Variants in GALNT13 observed in about 807,000 individuals in gnomAD.
GALNT13 encodes the protein UDP-GalNAc:polypeptide N-acetylgalactosaminyltransferase 13.
In GALNT13, 28 loss-of-function variants were observed where a neutral mutation model predicts 64.2. That is an observed-to-expected ratio of 0.44 (90% CI 0.32 to 0.60). The LOEUF (loss-of-function observed/expected upper bound fraction) is 0.60. Ranked by LOEUF, GALNT13 falls within the 20% of genes least tolerant of loss-of-function variation. The probability of loss-of-function intolerance (pLI) is 0.05; values close to 1 mark genes in which losing one functional copy is unlikely to be tolerated. For missense variants in GALNT13, 577 were observed against 669.8 expected, an observed-to-expected ratio of 0.86 and a Z score of 1.53; for synonymous variants, 214 against 224.6, an observed-to-expected ratio of 0.95 and a Z score of 0.42.
chr2:154,221,750 T>C (rs1688335175), intron 4 of GALNT13, among the ~76,000 whole-genome samples: 2 of 152,246 alleles, frequency 1.3e-5, no homozygotes, highest in South Asian at 2.1e-4. Flanking sequence ...AATTCTCTTT[T>C]AGAGCACAGC....
chr2:153,256,499 G>C, the GALNT13 span, among the ~76,000 whole-genome samples: 1 of 151,988 alleles, frequency 6.6e-6, no homozygotes, highest in Admixed American at 6.6e-5. Flanking sequence ...GCTTTGTTCC[G>C]TTGCTGGTGA....
the GALNT13 span, among the ~76,000 whole-genome samples, chr2:153,713,969 A>G: frequency 6.6e-6 from 1 of 152,068 alleles, no homozygotes; most frequent in Non-Finnish European, 1.5e-5. Context: ...GAGTGACCCC[A>G]CTTTCTCTAG....
chr2:154,190,135 G>C (rs1337197223), intron 4 of GALNT13, among the ~76,000 whole-genome samples: 2 of 152,152 alleles, frequency 1.3e-5, no homozygotes, highest in Non-Finnish European at 2.9e-5. Flanking sequence ...CATGATGTGA[G>C]AGGACTGTAA....
intron 3 of GALNT13, among the ~76,000 whole-genome samples, chr2:154,083,126 A>C (rs980328649): frequency 6.6e-6 from 1 of 152,082 alleles, no homozygotes; most frequent in Non-Finnish European, 1.5e-5. Flanking sequence ...AGTTTTCTGC[A>C]TATGGCTAGC....
At chr2:153,309,464 C>A in the GALNT13 span, among the ~76,000 whole-genome samples, 37 of 152,042 alleles carry the variant, frequency 2.4e-4, no homozygotes, top group African/African-American at 8.4e-4. Flanking sequence ...AATAGAAAGT[C>A]ATCATCTTTC....
At chr2:153,286,514 A>G in the GALNT13 span, among the ~76,000 whole-genome samples, 5 of 152,178 alleles carry the variant, frequency 3.3e-5, no homozygotes, top group African/African-American at 1.2e-4. Context: ...AGTTAGGAGG[A>G]GTAATGTGAA....
the GALNT13 span, among the ~76,000 whole-genome samples, chr2:153,468,757 ACT>A: frequency 6.6e-6 from 1 of 152,118 alleles, no homozygotes; most frequent in African/African-American, 2.4e-5. Context: ...TTAAATATTT[ACT>A]TTTTAAAAAG....
the GALNT13 span, among the ~76,000 whole-genome samples, chr2:153,670,021 G>A: frequency 3.3e-5 from 5 of 152,176 alleles, no homozygotes; most frequent in Non-Finnish European, 5.9e-5. Flanking sequence ...TGCTCACAGA[G>A]TAAACAAAGT....
chr2:153,232,912 T>C, the GALNT13 span, among the ~76,000 whole-genome samples: 3 of 152,246 alleles, frequency 2.0e-5, no homozygotes, highest in African/African-American at 7.2e-5. Flanking sequence ...GCTGCTCCCA[T>C]CCATTATGTC....
At chr2:153,372,933 A>G in the GALNT13 span, among the ~76,000 whole-genome samples, 1 of 152,134 alleles carries the variant, frequency 6.6e-6, no homozygotes, top group Admixed American at 6.6e-5. Flanking sequence ...GACATCGTTC[A>G]TTGACTATTG....
the GALNT13 span, among the ~76,000 whole-genome samples, chr2:153,555,861 TAAG>T: frequency 2.6e-5 from 4 of 152,220 alleles, no homozygotes; most frequent in Admixed American, 2.6e-4. Context: ...CAGAAGATTA[TAAG>T]AAGATTATTA....
At chr2:153,615,747 C>T in the GALNT13 span, among the ~76,000 whole-genome samples, 6 of 151,806 alleles carry the variant, frequency 4.0e-5, no homozygotes, top group South Asian at 2.1e-4. Flanking sequence ...GAAATGGAGA[C>T]GTATTCAAAT....
chr2:153,153,922 A>G, the GALNT13 span, among the ~76,000 whole-genome samples: 13 of 152,154 alleles, frequency 8.5e-5, no homozygotes, highest in Admixed American at 3.9e-4. Context: ...AATCTTTTCC[A>G]ATTCTGTGAA....
chr2:153,439,040 T>C, the GALNT13 span, among the ~76,000 whole-genome samples: 4 of 152,184 alleles, frequency 2.6e-5, no homozygotes, highest in African/African-American at 9.7e-5. Flanking sequence ...CTTCTAACAG[T>C]CAGGACCCTC....
intron 4 of GALNT13, among the ~76,000 whole-genome samples, chr2:154,224,058 A>G (rs1688461270): frequency 2.0e-5 from 3 of 152,100 alleles, no homozygotes; most frequent in Admixed American, 1.3e-4. Flanking sequence ...TGTATAGCGT[A>G]TGTGTGTAGA....
intron 4 of GALNT13, among the ~76,000 whole-genome samples, chr2:154,209,474 A>G (rs1266586822): frequency 6.6e-6 from 1 of 152,184 alleles, no homozygotes; most frequent in East Asian, 1.9e-4. Flanking sequence ...ACTTTACTGA[A>G]TTGAATTCAG....
At chr2:153,370,034 G>C in the GALNT13 span, among the ~76,000 whole-genome samples, 890 of 152,236 alleles carry the variant, frequency 5.8e-3, 8 homozygotes, top group African/African-American at 0.02. Flanking sequence ...TGCAGCAATA[G>C]ATATCTAAGT....
At chr2:154,137,384 C>A (rs1370018357) in intron 3 of GALNT13, among the ~76,000 whole-genome samples, 1 of 151,976 alleles carries the variant, frequency 6.6e-6, no homozygotes, top group African/African-American at 2.4e-5. Flanking sequence ...ATGTATTTAA[C>A]TCTGGGGAGA....
intron 1 of GALNT13, among the ~76,000 whole-genome samples, chr2:153,886,678 C>A (rs1687203990): frequency 6.6e-6 from 1 of 151,944 alleles, no homozygotes; most frequent in Non-Finnish European, 1.5e-5. Context: ...CTCTTGGTCC[C>A]CTCATTTTAC....
Sources: gnomAD v4.1 joint callset for allele counts (sites outside exome capture counted in the v4.1 genomes callset) on GRCh38, gnomAD v4.1.1 for gene constraint, MANE v1.5 for transcripts, NCBI Gene and HGNC (gene_info 2026-07-23, HGNC 2026-07-21) for gene names.